EMC8: variants seen among roughly 807,000 people sequenced by gnomAD.
EMC8 encodes COX4 neighbor.
Under a neutral mutation model 24.3 loss-of-function variants are expected in EMC8, and 11 were observed. The observed-to-expected ratio is 0.45, with a 90% CI of 0.28 to 0.75. The LOEUF (loss-of-function observed/expected upper bound fraction) is 0.75. EMC8 is among the 30% of genes least tolerant of loss of function. The probability of loss-of-function intolerance (pLI) is 0.12; values close to 1 mark genes in which losing one functional copy is unlikely to be tolerated. For missense variants in EMC8, 277 were observed against 282.7 expected (o/e 0.98, Z 0.14); for synonymous variants, 145 against 117.7 (o/e 1.23, Z -1.50).
intron 1 of EMC8, chr16:85,798,497 C>T (rs1473469797): frequency 6.6e-6 from 1 of 152,330 alleles, no homozygotes; most frequent in African/African-American, 2.4e-5. Context: ...GGAACAAATT[C>T]TCTTTACACA....
Position 85,799,012 on chromosome 16 carries a change from A to C in EMC8, c.231+53T>G. 7.8e-7 allele frequency: 1 copy of C among 1,274,010 alleles called. No homozygotes were observed. Among genetic ancestry groups the C allele is most frequent in the Non-Finnish European group, 1.1e-6 (1 of 914,764 alleles). 78.9% of individuals were successfully genotyped at this position (1,274,010 alleles called of 1,614,324 possible). On this transcript the variant is annotated intron_variant, in intron 1 of 4. Coordinates refer to ENST00000253457, the MANE Select transcript of EMC8 (RefSeq NM_006067.5). This position sits in a 1 kb window ranked among gnomAD's most constrained non-coding sequence, Gnocchi z 4.2. The stretch of plus-strand genomic sequence containing the variant: ...CGCTGGGCCAGCTTCCTCTCTGCTG[A>C]CTGAGGGGAGGCCAGGCTGCCTGCA...
intron 2 of EMC8, among the ~76,000 whole-genome samples, chr16:85,785,769 GA>G (rs536933708): frequency 2.0e-4 from 30 of 152,126 alleles, no homozygotes; most frequent in Non-Finnish European, 4.0e-4. Context: ...GCTGCCAACT[GA>G]AACTGCAGGC....
At chr16:85,789,739 C>A (rs1904918351) in intron 1 of EMC8, among the ~76,000 whole-genome samples, 1 of 151,798 alleles carries the variant, frequency 6.6e-6, no homozygotes, top group Non-Finnish European at 1.5e-5. Flanking sequence ...TTGCAGTGAG[C>A]CAAGATCATG....
intron 2 of EMC8, chr16:85,787,607 C>G (rs1904812237): frequency 6.6e-6 from 1 of 152,314 alleles, no homozygotes; most frequent in African/African-American, 2.4e-5. Context: ...CGATATCAAA[C>G]AGAGGACATC....
chr16:85,782,245 C>T (rs1351517681), intron 2 of EMC8, among the ~76,000 whole-genome samples: 1 of 152,306 alleles, frequency 6.6e-6, no homozygotes, highest in African/African-American at 2.4e-5. Context: ...GCTGGCAGTC[C>T]GTCACCCTCT....
In EMC8 at chr16:85,799,316, G is replaced by T; in HGVS notation, c.-21C>A. 6.4e-7 allele frequency: 1 copy of T among 1,551,384 alleles called. No homozygotes were observed. Among genetic ancestry groups the T allele is most frequent in the South Asian group, 1.1e-5 (1 of 87,950 alleles). On this transcript the variant is annotated 5_prime_UTR_variant, in exon 1 of 5. Transcript: ENST00000253457. The surrounding 1 kb of genome is among the most constrained non-coding windows in gnomAD (Gnocchi z 4.2). Reference sequence around the variant, plus strand: ...GGCATGCTGACCCGGGAGGGCCCCGGAGGCCCCTGGGCGCGCGGCTGAGGC... The same window carrying T: ...GGCATGCTGACCCGGGAGGGCCCCGTAGGCCCCTGGGCGCGCGGCTGAGGC...
intron 1 of EMC8, among the ~76,000 whole-genome samples, chr16:85,790,197 T>C (rs577008156): frequency 6.6e-6 from 1 of 152,106 alleles, no homozygotes; most frequent in Non-Finnish European, 1.5e-5. Flanking sequence ...TGGATGTGTG[T>C]GTTTTTTAAA....
At position 85,778,651 on chromosome 16, in the gene EMC8, T is replaced by C. The variant is rs933178352; in HGVS notation, c.*1057A>G. 1 of 152,234 alleles carries C rather than the reference T, an allele frequency of 6.6e-6. No individual in the cohort carries two copies. Among genetic ancestry groups the C allele is most frequent in the East Asian group, 1.9e-4 (1 of 5,200 alleles). The allele number at this position is 152,234 out of a possible 1,614,324, so 9.4% of individuals were successfully genotyped here. On this transcript the variant is annotated 3_prime_UTR_variant, in exon 5 of 5. Coordinates refer to ENST00000253457, the MANE Select transcript of EMC8 (RefSeq NM_006067.5). The stretch of plus-strand genomic sequence containing the variant: ...TGGTGGATCAAATAAAGCACATTTA[T>C]TGTAGCGATGTCTGAACTTTTTTCC...
intron 1 of EMC8, among the ~76,000 whole-genome samples, chr16:85,790,964 C>T (rs1056388151): frequency 3.3e-5 from 5 of 152,074 alleles, no homozygotes; most frequent in African/African-American, 1.2e-4. Context: ...GTAGCTGGGA[C>T]TACAGGTGTG....
chr16:85,783,407 G>A (rs1904603678), intron 2 of EMC8, among the ~76,000 whole-genome samples: 1 of 152,190 alleles, frequency 6.6e-6, no homozygotes, highest in Non-Finnish European at 1.5e-5. Flanking sequence ...AATCCTTCCT[G>A]CTCAGCCTCA....
At chr16:85,792,066 T>G (rs1233107190) in intron 1 of EMC8, among the ~76,000 whole-genome samples, 1 of 152,200 alleles carries the variant, frequency 6.6e-6, no homozygotes, top group Non-Finnish European at 1.5e-5. Context: ...CAGTCTCAGT[T>G]GGCTACTCCA....
chr16:85,796,142 C>T (rs77297203), intron 1 of EMC8, among the ~76,000 whole-genome samples: 9,042 of 152,174 alleles, frequency 0.059, 406 homozygotes, highest in East Asian at 0.27. Context: ...CCATTCTTCA[C>T]CTTTCAACCT....
intron 1 of EMC8, among the ~76,000 whole-genome samples, chr16:85,795,973 C>T (rs1320337986): frequency 1.3e-5 from 2 of 152,174 alleles, no homozygotes; most frequent in African/African-American, 4.8e-5. Context: ...AAGTCTTCTT[C>T]TGTGTTGACT....
Position 85,779,634 on chromosome 16 carries a change from T to C in EMC8, c.*74A>G, listed in dbSNP as rs1024106578. ...TTTCCACACAGGCTACAAGATATTT[T>C]ATTTACATTTAAAAATAGGTTTTCT... On this transcript the variant is annotated 3_prime_UTR_variant, in exon 5 of 5. Transcript: ENST00000253457. 1.3e-6 allele frequency: 2 copies of C among 1,485,012 alleles called. No homozygotes were observed. The highest frequency in any genetic ancestry group is 1.9e-6 in the Non-Finnish European group (2 of 1,068,214). 92.0% of individuals were successfully genotyped at this position (1,485,012 alleles called of 1,614,324 possible).
rs563539178 is a variant in EMC8, at chr16:85,788,064, C to T, written c.308+910G>A. 4.5e-4 allele frequency among the ~76,000 whole-genome samples: 69 copies of T among 152,338 alleles called. No individual in the cohort carries two copies. In the South Asian group the frequency reaches 0.014, roughly 32 times the overall value. On this transcript the variant is annotated intron_variant, in intron 2 of 4. Transcript: ENST00000253457. The stretch of plus-strand genomic sequence containing the variant: ...GGCTCTATCTGACAACATGAGGAAG[C>T]CACGTCAGGGCAGCCTGACGCATGC...
intron 4 of EMC8, chr16:85,780,144 T>C: frequency 1.7e-6 from 1 of 601,720 alleles, no homozygotes; most frequent in Non-Finnish European, 3.0e-6. Flanking sequence ...AGCACAGGCC[T>C]GGGAAGAGTG....
intron 3 of EMC8, 48 bp from the exon 4 acceptor site, chr16:85,780,521 C>G: frequency 7.0e-7 from 1 of 1,425,494 alleles, no homozygotes; most frequent in Admixed American, 1.8e-5. Flanking sequence ...GCCAGCCAAA[C>G]AGCAGCGGCA....
Position 85,799,091 on chromosome 16 carries a change from G to T in EMC8, c.205C>A (p.Pro69Thr). 6.4e-7 allele frequency: 1 copy of T among 1,564,402 alleles called. No individual in the cohort carries two copies. The change falls in exon 1 of 5, where the codon CCC becomes ACC. Residue 69 changes from proline (P) to threonine (T), a missense_variant. Coordinates refer to ENST00000253457, the MANE Select transcript of EMC8 (RefSeq NM_006067.5). This position sits in a 1 kb window ranked among gnomAD's most constrained non-coding sequence, Gnocchi z 4.2. Reference sequence around the variant, plus strand: ...AGGGTGAGAGCCACCTCCAGCATGGGGGCGAGGGCCAGGGTGCCGTGGAAG... The same window carrying T: ...AGGGTGAGAGCCACCTCCAGCATGGTGGCGAGGGCCAGGGTGCCGTGGAAG... ...PLFHGTLALA[P>T]MLEVALTLID...
chr16:85,795,592 CTGA>C (rs1472709241), intron 1 of EMC8, among the ~76,000 whole-genome samples: 2 of 152,164 alleles, frequency 1.3e-5, no homozygotes, highest in African/African-American at 4.8e-5. Context: ...GGAAGGAATG[CTGA>C]TGTCATGAAG....
Sources: gnomAD v4.1 joint callset for allele counts (sites outside exome capture counted in the v4.1 genomes callset) on GRCh38, gnomAD v4.1.1 for gene constraint, Gnocchi (gnomAD v3.1) non-coding constraint, MANE v1.5 for transcripts, NCBI Gene and HGNC (gene_info 2026-07-23, HGNC 2026-07-21) for gene names.